The following SH2D3C variants were observed in gnomAD, a reference collection of about 807,000 sequenced individuals.
The protein encoded by SH2D3C is SH2 domain-containing protein 3C.
In SH2D3C, 25 loss-of-function variants were observed where a neutral mutation model predicts 75.2. The observed-to-expected ratio is 0.33, with a 90% confidence interval of 0.24 to 0.46. The LOEUF (loss-of-function observed/expected upper bound fraction) is 0.46, where lower values mean the gene tolerates loss of function less well. SH2D3C is among the 20% of genes least tolerant of loss of function. The probability of loss-of-function intolerance (pLI) is 1.00; values close to 1 mark genes in which losing one functional copy is unlikely to be tolerated. For missense variants in SH2D3C, 933 were observed against 1,165.3 expected (o/e 0.80, Z 2.90); for synonymous variants, 450 against 473.7 (o/e 0.95, Z 0.65).
At position 127,749,692 on chromosome 9, in the gene SH2D3C, T is replaced by A; in HGVS notation, c.685-27A>T. 6.8e-7 allele frequency: 1 copy of A among 1,462,072 alleles called. No homozygotes were observed. Among genetic ancestry groups the A allele is most frequent in the Non-Finnish European group, 9.3e-7 (1 of 1,079,366 alleles). The allele number at this position is 1,462,072 out of a possible 1,614,324, so 90.6% of individuals were successfully genotyped here. On this transcript the variant is annotated intron_variant, in intron 4 of 11. Transcript: ENST00000314830. This position sits in a 1 kb window ranked among gnomAD's most constrained non-coding sequence, Gnocchi z 5.9. ...TGCAGAAGGCATGGTTAGGCTGGAG[T>A]AGGGTGGGGCCAGGAGAGGGTCAGA...
chr9:127,757,833 A>T (rs774056465), intron 3 of SH2D3C, among the ~76,000 whole-genome samples: 4 of 151,126 alleles, frequency 2.6e-5, no homozygotes, highest in Admixed American at 2.0e-4. Context: ...TTTTTATATC[A>T]TTTTTTTAGT....
intron 7 of SH2D3C, among the ~76,000 whole-genome samples, chr9:127,743,825 G>A (rs1844937679): frequency 6.6e-6 from 1 of 152,204 alleles, no homozygotes; most frequent in South Asian, 2.1e-4. Context: ...CTAAGGCCCA[G>A]GCATTGACAA....
Position 127,745,083 on chromosome 9 carries a change from G to A in SH2D3C, c.1281C>T (p.Ala427=), listed in dbSNP as rs548003990. 3.7e-5 allele frequency: 56 copies of A among 1,504,722 alleles called. No individual in the cohort carries two copies. In the East Asian group the frequency reaches 6.8e-4, roughly 18 times the overall value. The allele number at this position is 1,504,722 out of a possible 1,614,324, so 93.2% of individuals were successfully genotyped here. The part of the protein sequence containing the change: ...PAYSTVTRVH[A]APAAPSATAL... ...CTGTGGCAGAAGGGGCTGCAGGGGC[G>A]GCATGGACACGGGTTACTGCAGAAA... Residue 427 remains alanine, a synonymous_variant, in exon 7 of 12, where the codon GCC becomes GCT. Coordinates refer to ENST00000314830, the MANE Select transcript of SH2D3C (RefSeq NM_170600.3).
intron 3 of SH2D3C, chr9:127,755,254 G>A (rs1271028252): frequency 1.7e-6 from 2 of 1,162,504 alleles, no homozygotes; most frequent in Non-Finnish European, 2.1e-6. Context: ...CCGGCTGCGC[G>A]TGCCTCTCAG....
chr9:127,761,803 C>T (rs1349649570), intron 2 of SH2D3C, among the ~76,000 whole-genome samples, 153 bp from the exon 3 acceptor site: 2 of 152,190 alleles, frequency 1.3e-5, no homozygotes, highest in Non-Finnish European at 2.9e-5. Context: ...GCTGGCCTGG[C>T]TCCTCCACTT....
Position 127,739,776 on chromosome 9 carries a change from G to A in SH2D3C, c.2313C>T (p.His771=), listed in dbSNP as rs369351332. 9.4e-5 allele frequency: 151 copies of A among 1,602,520 alleles called. No individual in the cohort carries two copies. The highest frequency in any genetic ancestry group is 2.4e-4 in the Admixed American group (14 of 58,814). ...GGTGAGCCAGCACCACCTCCACGCC[G>A]TGCTCCGTGCTGCCCCAGGGCTCAG... ...EGPEPWGSTE[H]GVEVVLAHLE... Residue 771 remains histidine (H), a synonymous_variant, in exon 11 of 12, where the codon CAC becomes CAT. Transcript: ENST00000314830. This position sits in a 1 kb window ranked among gnomAD's most constrained non-coding sequence, Gnocchi z 4.3.
At chr9:127,778,381 G>A (rs184592383) in intron 1 of SH2D3C, among the ~76,000 whole-genome samples, 3 of 152,164 alleles carry the variant, frequency 2.0e-5, no homozygotes, top group East Asian at 3.9e-4. Flanking sequence ...ACTTGAGCCT[G>A]GGAAGTCAAG....
Position 127,757,135 on chromosome 9 carries a change from G to A in SH2D3C, c.555+4476C>T, listed in dbSNP as rs1451459319. The stretch of plus-strand genomic sequence containing the variant: ...TTTTTTTTTTTTTTATAGAGATGGG[G>A]TTTCACCATGTTGGCCAGGCTGGTC... On this transcript the variant is annotated intron_variant, in intron 3 of 11. Coordinates refer to ENST00000314830, the MANE Select transcript of SH2D3C (RefSeq NM_170600.3). 2.7e-5 allele frequency among the ~76,000 whole-genome samples: 4 copies of A among 147,682 alleles called. No individual in the cohort carries two copies. The East Asian group carries it at 7.8e-4, about 29-fold the overall frequency.
Position 127,739,822 on chromosome 9 carries a change from T to A in SH2D3C, c.2267A>T (p.Asp756Val). 9 of 1,586,542 alleles carry A rather than the reference T, an allele frequency of 5.7e-6. No individual in the cohort carries two copies. Among genetic ancestry groups the A allele is most frequent in the Non-Finnish European group, 7.7e-6 (9 of 1,166,492 alleles). The change falls in exon 11 of 12, where the codon GAC becomes GTC. Residue 756 changes from aspartate (D) to valine (V), a missense_variant. Transcript: ENST00000314830. This position sits in a 1 kb window ranked among gnomAD's most constrained non-coding sequence, Gnocchi z 4.3. ...CTCAGGGCCCTCTGGTGGGGCCGAG[T>A]CACACTCCAGCAGGGTGATGAGGGG... is the stretch of plus-strand genomic sequence containing the variant. ...VLPLITLLEC[D>V]SAPPEGPEPW...
chr9:127,758,094 G>A (rs1400383213), intron 3 of SH2D3C, among the ~76,000 whole-genome samples: 4 of 151,960 alleles, frequency 2.6e-5, no homozygotes, highest in Admixed American at 6.6e-5. Flanking sequence ...GGGATTACAG[G>A]TGTGAGCCCA....
chr9:127,777,955 A>C (rs59834443), intron 1 of SH2D3C, among the ~76,000 whole-genome samples: 11,104 of 137,344 alleles, frequency 0.081, 902 homozygotes, highest in African/African-American at 0.26. Flanking sequence ...CCGGTCTCTA[A>C]AAAAAAAAAA....
In SH2D3C at chr9:127,766,902, C is replaced by T. The variant is rs752020343; in HGVS notation, c.516-5252G>A. 8.5e-6 allele frequency: 13 copies of T among 1,524,360 alleles called. No individual in the cohort carries two copies. In the East Asian group the frequency reaches 1.7e-4, roughly 20 times the overall value. 94.4% of individuals were successfully genotyped at this position (1,524,360 alleles called of 1,614,324 possible). On this transcript the variant is annotated intron_variant, in intron 2 of 11. Transcript: ENST00000314830. ...TCCTTCACGCCCATCTTCACTCACC[C>T]ACCGCAGAGAAGCAACGGGCACCTG...
At position 127,774,611 on chromosome 9, in the gene SH2D3C, G is replaced by A. The variant is rs1272171476; in HGVS notation, c.38-144C>T. 2.0e-5 allele frequency: 12 copies of A among 606,302 alleles called. No individual in the cohort carries two copies. The South Asian group carries it at 2.2e-4, about 11-fold the overall frequency. 37.6% of individuals were successfully genotyped at this position (606,302 alleles called of 1,614,324 possible). A position where few individuals can be genotyped will look rare whatever the true frequency, so the allele number is the denominator to read the frequency against. ...ACACCCCTTCTAAAATTGTTAACACGCCCCTAGAAATGGTATAAGATGGGA... is the reference window on the plus strand; with the variant it reads ...ACACCCCTTCTAAAATTGTTAACACACCCCTAGAAATGGTATAAGATGGGA... On this transcript the variant is annotated intron_variant, in intron 1 of 11. Transcript: ENST00000314830. The surrounding 1 kb of genome is among the most constrained non-coding windows in gnomAD (Gnocchi z 4.3).
intron 4 of SH2D3C, among the ~76,000 whole-genome samples, chr9:127,750,365 G>A (rs1845166052): frequency 6.6e-6 from 1 of 152,064 alleles, no homozygotes; most frequent in Admixed American, 6.5e-5. Flanking sequence ...ATGTGGGCCA[G>A]GCTGGTCTGA....
chr9:127,744,855 A>G lies in SH2D3C; in HGVS notation c.1509T>C (p.Arg503=). The change falls in exon 7 of 12, where the codon CGT becomes CGC. Residue 503 remains arginine, a synonymous_variant. Transcript: ENST00000314830. The part of the protein sequence containing the change: ...GHYCQLQPPV[R]GSREWAATET... ...CAGTCGCTGCCCACTCTCGGCTGCC[A>G]CGCACGGGAGGCTGGAGCTGGCAGT... 2 of 1,614,074 alleles carry G rather than the reference A, an allele frequency of 1.2e-6. No individual in the cohort carries two copies. Among genetic ancestry groups the G allele is most frequent in the East Asian group, 2.2e-5 (1 of 44,876 alleles).
intron 3 of SH2D3C, among the ~76,000 whole-genome samples, chr9:127,759,422 G>C (rs1035024259): frequency 3.3e-5 from 5 of 152,132 alleles, no homozygotes; most frequent in African/African-American, 1.2e-4. Flanking sequence ...CGCCATGTTG[G>C]CCAGGCTGGC....
Position 127,745,112 on chromosome 9 carries a change from A to T in SH2D3C, c.1265-13T>A, listed in dbSNP as rs1222425876. On this transcript the variant is annotated splice_polypyrimidine_tract_variant and intron_variant, in intron 6 of 11. Transcript: ENST00000314830. ...TGGACACGGGTTACTGCAGAAAGGT[A>T]GAGAGAGAGGCCCCGTTATAGCAGC... 6.7e-7 allele frequency: 1 copy of T among 1,485,718 alleles called. No individual in the cohort carries two copies. The highest frequency in any genetic ancestry group is 1.4e-5 in the South Asian group (1 of 69,272). The allele number at this position is 1,485,718 out of a possible 1,614,324, so 92.0% of individuals were successfully genotyped here.
At position 127,739,192 on chromosome 9, in the gene SH2D3C, T is replaced by C. The variant is rs920230708; in HGVS notation, c.2408-271A>G. Among the ~76,000 whole-genome samples the C allele has an allele frequency of 5.3e-5, 8 of 152,310 alleles. No individual in the cohort carries two copies. In the East Asian group the frequency reaches 1.4e-3, roughly 26 times the overall value. On this transcript the variant is annotated intron_variant, in intron 11 of 11. Transcript: ENST00000314830. This position sits in a 1 kb window ranked among gnomAD's most constrained non-coding sequence, Gnocchi z 4.3. The stretch of plus-strand genomic sequence containing the variant: ...CTTTTTTCGTATTTTTCTGTTAAGT[T>C]CCAAATTATTTCCTAAGAAAGATGT...
intron 1 of SH2D3C, among the ~76,000 whole-genome samples, chr9:127,776,306 C>T (rs1219853098): frequency 2.0e-5 from 3 of 150,466 alleles, no homozygotes; most frequent in South Asian, 4.2e-4. Flanking sequence ...AGCAGGTGTG[C>T]GTGTTTTGTG....
Sources: allele counts gnomAD v4.1 joint callset (sites outside exome capture counted in the v4.1 genomes callset), GRCh38; gene constraint gnomAD v4.1.1; non-coding constraint Gnocchi (gnomAD v3.1); transcripts MANE v1.5; gene names NCBI Gene and HGNC (gene_info 2026-07-23, HGNC 2026-07-21).